B3GALT1: variants seen among roughly 807,000 people sequenced by gnomAD.
B3GALT1 encodes the protein UDP-Gal:betaGlcNAc beta 1,3-galactosyltransferase, polypeptide 1.
Under a neutral mutation model 23.2 loss-of-function variants are expected in B3GALT1, and 10 were observed. The observed-to-expected ratio is 0.43, with a 90% CI of 0.27 to 0.73. The LOEUF is 0.73. Among genes scored for constraint, B3GALT1 ranks in the 30% least tolerant of loss-of-function variants. B3GALT1 has a pLI of 0.21. For missense variants in B3GALT1, 299 were observed against 405.4 expected (o/e 0.74, Z 2.25); for synonymous variants, 156 against 141.5 (o/e 1.10, Z -0.73).
At chr2:167,847,027 G>T (rs1468071471) in intron 4 of B3GALT1, among the ~76,000 whole-genome samples, 1 of 152,164 alleles carries the variant, frequency 6.6e-6, no homozygotes, top group Admixed American at 6.5e-5. Flanking sequence ...CTATATAAGG[G>T]TAAAAGCCTT....
At chr2:167,406,956 A>C (rs1698289997) in intron 1 of B3GALT1, among the ~76,000 whole-genome samples, 1 of 152,166 alleles carries the variant, frequency 6.6e-6, no homozygotes, top group African/African-American at 2.4e-5. Context: ...GAAAAGGAAA[A>C]CATTGGAGTT....
intron 3 of B3GALT1, among the ~76,000 whole-genome samples, chr2:167,783,734 A>G (rs1296905080): frequency 1.3e-5 from 2 of 152,166 alleles, no homozygotes; most frequent in East Asian, 3.9e-4. Flanking sequence ...GGTCAAAGAG[A>G]CAGTGTGCCC....
intron 1 of B3GALT1, among the ~76,000 whole-genome samples, chr2:167,415,903 A>T (rs1256306335): frequency 1.3e-5 from 2 of 152,162 alleles, no homozygotes; most frequent in Non-Finnish European, 2.9e-5. Flanking sequence ...TAAGCAGCAA[A>T]CCATTCAGGC....
At chr2:167,703,856 G>T (rs1014064663) in intron 3 of B3GALT1, among the ~76,000 whole-genome samples, 6 of 152,070 alleles carry the variant, frequency 3.9e-5, no homozygotes, top group African/African-American at 1.4e-4. Flanking sequence ...CCCCTCAAAA[G>T]CACCCCATAT....
intron 2 of B3GALT1, among the ~76,000 whole-genome samples, chr2:167,619,012 C>T (rs528346251): frequency 1.6e-4 from 25 of 151,754 alleles, no homozygotes; most frequent in South Asian, 1.2e-3. Context: ...AAATGTTTCT[C>T]ATCTACCCTA....
At chr2:167,694,438 GTTAAC>G (rs758661239) in intron 3 of B3GALT1, among the ~76,000 whole-genome samples, 154 of 152,006 alleles carry the variant, frequency 1.0e-3, no homozygotes, top group African/African-American at 3.1e-3. Flanking sequence ...CCTCCATTTT[GTTAAC>G]TTAACTATGT....
chr2:167,775,224 T>C (rs1181672772), intron 3 of B3GALT1, among the ~76,000 whole-genome samples: 2 of 152,202 alleles, frequency 1.3e-5, no homozygotes, highest in African/African-American at 4.8e-5. Context: ...AAATAAATTA[T>C]GGTACATCCA....
Position 167,825,051 on chromosome 2 carries a change from C to G in B3GALT1, c.-230+6258C>G, listed in dbSNP as rs150327635. Among the ~76,000 whole-genome samples the G allele has an allele frequency of 3.3e-5, 5 of 151,852 alleles. No homozygotes were observed. The East Asian group carries it at 9.7e-4, about 29-fold the overall frequency. On this transcript the variant is annotated intron_variant, in intron 4 of 4. Coordinates refer to ENST00000392690, the MANE Select transcript of B3GALT1 (RefSeq NM_020981.4). ...CTGTAATCCCAGCACTTTGGAAGGC[C>G]GAGGTGGGCAGATCACCAGGTCAGG...
At chr2:167,508,500 C>T (rs1037584589) in intron 2 of B3GALT1, among the ~76,000 whole-genome samples, 9 of 151,988 alleles carry the variant, frequency 5.9e-5, no homozygotes, top group Non-Finnish European at 1.2e-4. Flanking sequence ...CCTCGTGATC[C>T]ACCTGCCTCA....
chr2:167,767,942 A>G (rs901123666), intron 3 of B3GALT1, among the ~76,000 whole-genome samples: 1 of 152,126 alleles, frequency 6.6e-6, no homozygotes, highest in Non-Finnish European at 1.5e-5. Flanking sequence ...AGAGCTGACA[A>G]GATGATGGTG....
chr2:167,853,648 C>T (rs938362521), intron 4 of B3GALT1, among the ~76,000 whole-genome samples: 1 of 151,818 alleles, frequency 6.6e-6, no homozygotes, highest in Non-Finnish European at 1.5e-5. Context: ...GTTTTCAGTA[C>T]CAAAAAATGG....
At chr2:167,736,900 C>G (rs934684606) in intron 3 of B3GALT1, among the ~76,000 whole-genome samples, 2 of 152,038 alleles carry the variant, frequency 1.3e-5, no homozygotes, top group Non-Finnish European at 2.9e-5. Flanking sequence ...CCACTGCATT[C>G]CAGCCAGGGT....
chr2:167,396,304 G>A lies in B3GALT1; in HGVS notation c.-510-93873G>A, dbSNP rs575281959. 6.6e-5 allele frequency among the ~76,000 whole-genome samples: 10 copies of A among 152,066 alleles called. No individual in the cohort carries two copies. The South Asian group carries it at 2.1e-3, about 32-fold the overall frequency. ...GTTTATCATGCTATTTAGGCAGTAT[G>A]TCATTTATAAATTTTCTTTGGCAAC... On this transcript the variant is annotated intron_variant, in intron 1 of 4. Coordinates refer to ENST00000392690, the MANE Select transcript of B3GALT1 (RefSeq NM_020981.4).
At chr2:167,749,706 T>C (rs1175909183) in intron 3 of B3GALT1, among the ~76,000 whole-genome samples, 2 of 152,352 alleles carry the variant, frequency 1.3e-5, no homozygotes, top group Admixed American at 1.3e-4. Context: ...TTGTTTTAAA[T>C]GCCTTAAACT....
chr2:167,302,270 G>GAT (rs1696460686), intron 1 of B3GALT1, among the ~76,000 whole-genome samples: 1 of 151,962 alleles, frequency 6.6e-6, no homozygotes, highest in South Asian at 2.1e-4. Flanking sequence ...GGATGATAGG[G>GAT]ATTTCATTTT....
intron 1 of B3GALT1, among the ~76,000 whole-genome samples, chr2:167,446,356 C>T (rs1471648629): frequency 3.3e-5 from 5 of 152,228 alleles, no homozygotes; most frequent in Admixed American, 6.5e-5. Context: ...AGTTGGTCTT[C>T]TCGAGGAGTA....
chr2:167,561,495 CA>C lies in B3GALT1; in HGVS notation c.-410+71224del, dbSNP rs374580401. Among the ~76,000 whole-genome samples, 589 of 151,844 alleles carry C rather than the reference CA, an allele frequency of 3.9e-3. 15 individuals are homozygous for C. Among genetic ancestry groups the C allele is most frequent in the Admixed American group, 0.028 (421 of 15,258 alleles). Reference sequence around the variant, plus strand: ...GGAAATAGAGACACAAAAAACCCTTCAAAAAATTAATGAATCCAGGAGCTGG... The same window carrying C: ...GGAAATAGAGACACAAAAAACCCTTCAAAAATTAATGAATCCAGGAGCTGG... On this transcript the variant is annotated intron_variant, in intron 2 of 4. Coordinates refer to ENST00000392690, the MANE Select transcript of B3GALT1 (RefSeq NM_020981.4).
At chr2:167,528,701 T>C (rs552254370) in intron 2 of B3GALT1, among the ~76,000 whole-genome samples, 5 of 152,320 alleles carry the variant, frequency 3.3e-5, no homozygotes, top group South Asian at 2.1e-4. Context: ...AATTCTTCTC[T>C]TGTTAATGCA....
At chr2:167,397,948 C>T (rs1252021059) in intron 1 of B3GALT1, among the ~76,000 whole-genome samples, 1 of 152,096 alleles carries the variant, frequency 6.6e-6, no homozygotes, top group Admixed American at 6.6e-5. Context: ...ATGACTTCAG[C>T]CAGCCCTGGA....
Sources: allele counts gnomAD v4.1 joint callset (sites outside exome capture counted in the v4.1 genomes callset), GRCh38; gene constraint gnomAD v4.1.1; transcripts MANE v1.5; gene names NCBI Gene and HGNC (gene_info 2026-07-23, HGNC 2026-07-21).